The following EYA4 variants were observed in gnomAD, a reference collection of about 807,000 sequenced individuals.
The protein encoded by EYA4 is EYA transcriptional coactivator and phosphatase 4, also known as protein phosphatase EYA4.
Under a neutral mutation model 87.9 loss-of-function variants are expected in EYA4, and 31 were observed. That is an observed-to-expected ratio of 0.35 (90% CI 0.27 to 0.48). EYA4 has a LOEUF of 0.48. Among genes scored for constraint, EYA4 ranks in the 20% least tolerant of loss-of-function variants. The pLI, the probability that EYA4 is intolerant of heterozygous loss-of-function variation, is 0.99. For missense variants in EYA4, 678 were observed against 761.4 expected, an observed-to-expected ratio of 0.89 and a Z score of 1.29; for synonymous variants, 263 against 270.6, an observed-to-expected ratio of 0.97 and a Z score of 0.28.
chr6:133,242,916 C>G lies in EYA4; in HGVS notation c.-66+1167C>G, dbSNP rs891968926. ...GTGGTGTGGAGACTGTCCTCTCTCACCGCGTCTCCTGCGCCTCTCCCCGCC... is the reference window on the plus strand; with the variant it reads ...GTGGTGTGGAGACTGTCCTCTCTCAGCGCGTCTCCTGCGCCTCTCCCCGCC... On this transcript the variant is annotated intron_variant, in intron 1 of 19. Transcript: ENST00000355286. 2.0e-5 allele frequency among the ~76,000 whole-genome samples: 3 copies of G among 152,124 alleles called. No homozygotes were observed. The South Asian group carries it at 6.2e-4, about 32-fold the overall frequency.
intron 2 of EYA4, among the ~76,000 whole-genome samples, chr6:133,344,913 G>A (rs1390923186): frequency 2.6e-5 from 4 of 151,948 alleles, no homozygotes. Context: ...AAACTTATTA[G>A]CTTATCTTCT....
At chr6:133,295,308 A>G (rs1778865249) in intron 2 of EYA4, among the ~76,000 whole-genome samples, 1 of 152,214 alleles carries the variant, frequency 6.6e-6, no homozygotes, top group Admixed American at 6.5e-5. Flanking sequence ...AAGCTGACCT[A>G]GAAAAACTAC....
intron 12 of EYA4, 108 bp downstream of exon 12, chr6:133,481,707 A>G: frequency 7.8e-7 from 1 of 1,287,666 alleles, no homozygotes; most frequent in Non-Finnish European, 1.1e-6. Context: ...ATCAAGATAT[A>G]TCATGAATTG....
At chr6:133,386,079 C>T (rs1244817275) in intron 3 of EYA4, among the ~76,000 whole-genome samples, 3 of 152,048 alleles carry the variant, frequency 2.0e-5, no homozygotes, top group African/African-American at 7.2e-5. Flanking sequence ...CTAACCATGT[C>T]CAGGATGTAC....
chr6:133,252,882 C>T (rs1775014260), intron 1 of EYA4, among the ~76,000 whole-genome samples: 1 of 150,928 alleles, frequency 6.6e-6, no homozygotes. Context: ...TCAGACTAAC[C>T]TGGAGATTTC....
At chr6:133,404,781 C>T (rs1457935722) in intron 3 of EYA4, among the ~76,000 whole-genome samples, 1 of 152,198 alleles carries the variant, frequency 6.6e-6, no homozygotes, top group Non-Finnish European at 1.5e-5. Flanking sequence ...TTCGTGTTCA[C>T]GTGTAGCCCT....
intron 13 of EYA4, among the ~76,000 whole-genome samples, chr6:133,503,048 T>C (rs1308820391): frequency 6.6e-6 from 1 of 152,240 alleles, no homozygotes; most frequent in Admixed American, 6.5e-5. Context: ...GCCGTGGGGT[T>C]GCATTCCAGT....
intron 2 of EYA4, among the ~76,000 whole-genome samples, chr6:133,287,288 A>G (rs1418461340): frequency 2.0e-5 from 3 of 152,240 alleles, no homozygotes; most frequent in Non-Finnish European, 2.9e-5. Flanking sequence ...AATGTGTTCA[A>G]TAAAAGACAA....
intron 3 of EYA4, among the ~76,000 whole-genome samples, chr6:133,384,668 C>G (rs1786541548): frequency 6.6e-6 from 1 of 152,210 alleles, no homozygotes; most frequent in African/African-American, 2.4e-5. Flanking sequence ...TCAATCTCCA[C>G]ACTCTGGTCA....
In EYA4 at chr6:133,391,227, T is replaced by TGTTTTTG. The variant is rs71003639; in HGVS notation, c.83+8786_83+8787insGTTTTTG. The stretch of plus-strand genomic sequence containing the variant: ...ATTTTTTGGGTTTTGTTTTTGTTTT[T>TGTTTTTG]TTTTTTTTTTTGAGATGGAGTTTCG... On this transcript the variant is annotated intron_variant, in intron 3 of 19. Transcript: ENST00000355286. Among the ~76,000 whole-genome samples the TGTTTTTG allele has an allele frequency of 1.4e-3, 199 of 145,864 alleles. 2 individuals carry two copies. Among genetic ancestry groups the TGTTTTTG allele is most frequent in the Middle Eastern group, 3.5e-3 (1 of 288 alleles).
chr6:133,312,355 T>TTG (rs1301642948), intron 2 of EYA4, among the ~76,000 whole-genome samples: 1 of 150,708 alleles, frequency 6.6e-6, no homozygotes, highest in Non-Finnish European at 1.5e-5. Context: ...TTGGTGGTAC[T>TTG]TGTGTGTGTG....
chr6:133,448,132 A>G lies in EYA4; in HGVS notation c.230A>G (p.Asn77Ser). 3 of 1,613,850 alleles carry G rather than the reference A, an allele frequency of 1.9e-6. No homozygotes were observed. The highest frequency in any genetic ancestry group is 2.2e-5 in the South Asian group (2 of 91,078). Reference protein sequence around the residue: ...GTGGENMTVLNTADWLLSCNT... With the variant: ...GTGGENMTVLSTADWLLSCNT... ...TCAGGGGAAAACATGACTGTTTTAAACACAGCAGACTGGTTGCTGAGTTGC... is the reference window on the plus strand; with the variant it reads ...TCAGGGGAAAACATGACTGTTTTAAGCACAGCAGACTGGTTGCTGAGTTGC... Residue 77 changes from asparagine (N) to serine (S), a missense_variant, in exon 5 of 20, where the codon AAC becomes AGC. By Grantham distance (46) the Asn-to-Ser change is conservative. Transcript: ENST00000355286.
rs149568432 is a variant in EYA4 at position 133,249,797 on chromosome 6, G to A, written c.-66+8048G>A. On this transcript the variant is annotated intron_variant, in intron 1 of 19. Coordinates refer to ENST00000355286, the MANE Select transcript of EYA4 (RefSeq NM_004100.5). ...CTGACCTCCAGAGTCTGAGTTGAAC[G>A]TTTCTTTCTTGTTACTCCCAAAGCA... 1.2e-3 allele frequency among the ~76,000 whole-genome samples: 180 copies of A among 152,238 alleles called. 2 individuals carry two copies. Among genetic ancestry groups the A allele is most frequent in the African/African-American group, 4.0e-3 (166 of 41,532 alleles).
intron 3 of EYA4, among the ~76,000 whole-genome samples, chr6:133,415,230 A>G (rs1789609190): frequency 6.6e-6 from 1 of 152,180 alleles, no homozygotes; most frequent in South Asian, 2.1e-4. Context: ...TAGGTAAGTG[A>G]TCCACTAGAG....
At chr6:133,319,811 G>A (rs1487655298) in intron 2 of EYA4, among the ~76,000 whole-genome samples, 1 of 151,058 alleles carries the variant, frequency 6.6e-6, no homozygotes, top group Non-Finnish European at 1.5e-5. Context: ...CAATTTCCCA[G>A]CTCAAGCGAT....
At chr6:133,274,945 C>G in intron 2 of EYA4, 132 bp downstream of exon 2, 1 of 745,750 alleles carries the variant, frequency 1.3e-6, no homozygotes, top group South Asian at 1.7e-5. Flanking sequence ...AATTTCCTTT[C>G]AAAGACCATG....
intron 1 of EYA4, among the ~76,000 whole-genome samples, chr6:133,249,632 C>T (rs190250326): frequency 1.3e-5 from 2 of 152,316 alleles, no homozygotes; most frequent in East Asian, 3.9e-4. Flanking sequence ...TCAAATACAC[C>T]TTGGACATTT....
At chr6:133,384,406 G>T (rs1202047148) in intron 3 of EYA4, among the ~76,000 whole-genome samples, 2 of 152,158 alleles carry the variant, frequency 1.3e-5, no homozygotes, top group Non-Finnish European at 2.9e-5. Context: ...CTGGAAATCA[G>T]CAGTTAGTTG....
intron 3 of EYA4, among the ~76,000 whole-genome samples, chr6:133,440,506 G>C (rs1792170399): frequency 6.6e-6 from 1 of 152,122 alleles, no homozygotes; most frequent in Non-Finnish European, 1.5e-5. Flanking sequence ...AGTTAAGACA[G>C]AGTGTGAAAA....
Sources: gnomAD v4.1 joint callset for allele counts (sites outside exome capture counted in the v4.1 genomes callset) on GRCh38, gnomAD v4.1.1 for gene constraint, MANE v1.5 for transcripts, NCBI Gene and HGNC (gene_info 2026-07-23, HGNC 2026-07-21) for gene names.